Variants in TUT4 observed in about 807,000 individuals in gnomAD.
TUT4 encodes the protein terminal uridylyltransferase 4.
Under a neutral mutation model 192.2 loss-of-function variants are expected in TUT4, and 36 were observed. The observed-to-expected ratio is 0.19, with a 90% CI of 0.14 to 0.25. The LOEUF (loss-of-function observed/expected upper bound fraction) is 0.25, where lower values mean the gene tolerates loss of function less well. Among genes scored for constraint, TUT4 ranks in the 10% least tolerant of loss-of-function variants. The pLI is 1.00. For missense variants in TUT4, 1,493 were observed against 1,957.2 expected (o/e 0.76, Z 4.47); for synonymous variants, 618 against 666.0 (o/e 0.93, Z 1.11).
intron 1 of TUT4, among the ~76,000 whole-genome samples, chr1:52,527,801 G>A: frequency 6.6e-6 from 1 of 152,140 alleles, no homozygotes. Flanking sequence ...GAAAGTGGGG[G>A]AGGCTATGCA....
rs572893830 is a variant in TUT4 at position 52,533,408 on chromosome 1, T to C, written c.-93-7035A>G. On this transcript the variant is annotated intron_variant, in intron 1 of 29. Coordinates refer to ENST00000257177, the MANE Select transcript of TUT4 (RefSeq NM_001009881.3). The stretch of plus-strand genomic sequence containing the variant: ...TTCTACATACCTATCAATAATTCAT[T>C]GACAGAACTATAAATATCTTCTCAG... 5.3e-4 allele frequency among the ~76,000 whole-genome samples: 80 copies of C among 152,346 alleles called. 1 individual carries two copies. Among genetic ancestry groups the C allele is most frequent in the African/African-American group, 1.8e-3 (76 of 41,590 alleles).
intron 3 of TUT4, among the ~76,000 whole-genome samples, chr1:52,511,488 G>A (rs1474223948): frequency 1.3e-5 from 2 of 152,166 alleles, no homozygotes; most frequent in African/African-American, 2.4e-5. Flanking sequence ...AGTGTAAGGA[G>A]ACAGGTAATA....
chr1:52,500,591 C>T (rs1557864033), intron 4 of TUT4, among the ~76,000 whole-genome samples: 1 of 152,206 alleles, frequency 6.6e-6, no homozygotes, highest in African/African-American at 2.4e-5. Flanking sequence ...GGCAAAACTC[C>T]GTCTCTACTA....
intron 15 of TUT4, among the ~76,000 whole-genome samples, chr1:52,467,667 C>A (rs867185374): frequency 6.6e-6 from 1 of 152,066 alleles, no homozygotes; most frequent in Non-Finnish European, 1.5e-5. Context: ...GGCTTTCTAC[C>A]AACATCCATA....
At chr1:52,441,285 T>TG (rs1397639191) in intron 24 of TUT4, among the ~76,000 whole-genome samples, 1 of 147,252 alleles carries the variant, frequency 6.8e-6, no homozygotes, top group Non-Finnish European at 1.5e-5. Context: ...CATATGGCTT[T>TG]TTTTTTTTTT....
At chr1:52,539,334 G>A (rs1273613200) in intron 1 of TUT4, among the ~76,000 whole-genome samples, 2 of 152,036 alleles carry the variant, frequency 1.3e-5, no homozygotes, top group East Asian at 1.9e-4. Flanking sequence ...TGGATGTCAG[G>A]AATTACACCA....
chr1:52,496,854 T>C (rs1672579418), intron 5 of TUT4, 152 bp downstream of exon 5: 3 of 745,254 alleles, frequency 4.0e-6, no homozygotes, highest in Non-Finnish European at 6.1e-6. Flanking sequence ...TTGTGTGAAA[T>C]ATTTCCCTCA....
At chr1:52,459,831 G>A (rs564317025) in intron 19 of TUT4, among the ~76,000 whole-genome samples, 1 of 152,070 alleles carries the variant, frequency 6.6e-6, no homozygotes, top group African/African-American at 2.4e-5. Context: ...GCAGTGAGCC[G>A]AGATTGTGCC....
chr1:52,504,021 T>C (rs1350488916), intron 4 of TUT4, among the ~76,000 whole-genome samples: 1 of 152,234 alleles, frequency 6.6e-6, no homozygotes, highest in East Asian at 1.9e-4. Flanking sequence ...GGGACATCTC[T>C]ACTTGAAATG....
chr1:52,464,323 C>T (rs1044578269), intron 16 of TUT4, among the ~76,000 whole-genome samples: 6 of 151,956 alleles, frequency 3.9e-5, no homozygotes, highest in African/African-American at 1.5e-4. Flanking sequence ...GGCGTGACCT[C>T]GGCTCACTGC....
chr1:52,532,125 G>A (rs1248323485), intron 1 of TUT4, among the ~76,000 whole-genome samples: 6 of 151,286 alleles, frequency 4.0e-5, no homozygotes, highest in African/African-American at 9.7e-5. Context: ...TGTTCTGCCC[G>A]CCTCGGCCTC....
chr1:52,525,791 G>C lies in TUT4; in HGVS notation c.490C>G (p.Pro164Ala). ...PSSPAEAEKG[P>A]SLLLKDMRQK... ...CTCATGTCTTTCAACAGTAAACTGG[G>C]TCCCTTTTCTGCTTCTGCTGGTGAA... The change falls in exon 2 of 30, where the codon CCC becomes GCC. Residue 164 changes from proline to alanine, a missense_variant. Pro to Ala is a conservative substitution (Grantham distance 27). Coordinates refer to ENST00000257177, the MANE Select transcript of TUT4 (RefSeq NM_001009881.3). 6.2e-7 allele frequency: 1 copy of C among 1,614,114 alleles called. No homozygotes were observed. The highest frequency in any genetic ancestry group is 8.5e-7 in the Non-Finnish European group (1 of 1,180,028).
chr1:52,536,894 G>A (rs142054604), intron 1 of TUT4, among the ~76,000 whole-genome samples: 2,879 of 151,962 alleles, frequency 0.019, 87 homozygotes, highest in African/African-American at 0.065. Context: ...GGCCGGGCGC[G>A]GTGGCTCACG....
chr1:52,523,223 C>G (rs1413127749), intron 2 of TUT4, among the ~76,000 whole-genome samples: 1 of 151,674 alleles, frequency 6.6e-6, no homozygotes, highest in Admixed American at 6.6e-5. Flanking sequence ...GACCTCCTGA[C>G]CTCAGGTGAT....
chr1:52,454,054 A>G (rs1660181036), intron 20 of TUT4, among the ~76,000 whole-genome samples: 1 of 152,250 alleles, frequency 6.6e-6, no homozygotes, highest in South Asian at 2.1e-4. Flanking sequence ...GAAAACTACA[A>G]AACTCTGATG....
At chr1:52,473,659 G>C (rs552710156) in intron 13 of TUT4, among the ~76,000 whole-genome samples, 2 of 151,800 alleles carry the variant, frequency 1.3e-5, no homozygotes, top group South Asian at 4.2e-4. Context: ...CAATAACTAC[G>C]ATAAAACAAT....
At chr1:52,450,866 G>A (rs1207878032) in intron 20 of TUT4, among the ~76,000 whole-genome samples, 1 of 152,126 alleles carries the variant, frequency 6.6e-6, no homozygotes, top group East Asian at 1.9e-4. Context: ...AATCAAATTT[G>A]TGGTCCATTT....
chr1:52,426,651 A>G (rs1340553436), intron 28 of TUT4, among the ~76,000 whole-genome samples: 1 of 152,230 alleles, frequency 6.6e-6, no homozygotes, highest in Non-Finnish European at 1.5e-5. Context: ...TGAATTCATA[A>G]AAGCCAAGTT....
At chr1:52,491,141 C>T (rs1671045668) in intron 7 of TUT4, among the ~76,000 whole-genome samples, 1 of 152,086 alleles carries the variant, frequency 6.6e-6, no homozygotes, top group South Asian at 2.1e-4. Context: ...GAGAGGACAC[C>T]CCTTACTCCT....
Sources: gnomAD v4.1 joint callset for allele counts (sites outside exome capture counted in the v4.1 genomes callset) on GRCh38, gnomAD v4.1.1 for gene constraint, MANE v1.5 for transcripts, NCBI Gene and HGNC (gene_info 2026-07-23, HGNC 2026-07-21) for gene names.